The following ALAS1 variants were observed in gnomAD, a reference collection of about 807,000 sequenced individuals.
ALAS1 encodes the protein 5'-aminolevulinate synthase 1, also known as 5-aminolevulinate synthase, non-specific, mitochondrial.
ALAS1 carries 29 observed loss-of-function variants against 59.6 expected under a neutral mutation model. The observed-to-expected ratio is 0.49, with a 90% CI of 0.36 to 0.66. The LOEUF (loss-of-function observed/expected upper bound fraction) is 0.66, where lower values mean the gene tolerates loss of function less well. ALAS1 is among the 30% of genes least tolerant of loss of function. The pLI is 0.00. For missense variants in ALAS1, 690 were observed against 807.5 expected (o/e 0.85, Z 1.76); for synonymous variants, 299 against 296.6 (o/e 1.01, Z -0.08).
At chr3:52,211,620 T>G in intron 10 of ALAS1, 69 bp downstream of exon 10, 1 of 1,574,360 alleles carries the variant, frequency 6.4e-7, no homozygotes, top group Non-Finnish European at 8.7e-7. Context: ...GATGTTCTGC[T>G]TCATACCTTC....
chr3:52,199,368 C>A lies in ALAS1; in HGVS notation c.127C>A (p.Pro43Thr). 1.2e-6 allele frequency: 2 copies of A among 1,614,198 alleles called. No homozygotes were observed. Among genetic ancestry groups the A allele is most frequent in the Non-Finnish European group, 1.7e-6 (2 of 1,180,038 alleles). ...CAAGATGATGGAAGTTGGGGCCAAGCCAGCCCCTCGGGCATTGTCCACTGC... is the reference window on the plus strand; with the variant it reads ...CAAGATGATGGAAGTTGGGGCCAAGACAGCCCCTCGGGCATTGTCCACTGC... ...CPKMMEVGAK[P>T]APRALSTAAV... Residue 43 changes from proline (P) to threonine (T), a missense_variant, in exon 3 of 12, where the codon CCA (proline) becomes ACA (threonine). Transcript: ENST00000484952.
At chr3:52,212,136 T>A in intron 10 of ALAS1, 122 bp from the exon 11 acceptor site, 2 of 843,482 alleles carry the variant, frequency 2.4e-6, no homozygotes, top group South Asian at 3.3e-5. Flanking sequence ...TGCCCCAAGC[T>A]TGCATGTGTT....
Position 52,212,494 on chromosome 3 carries a change from A to G in ALAS1, c.1762+74A>G, listed in dbSNP as rs769923499. 1.9e-6 allele frequency: 3 copies of G among 1,556,506 alleles called. No individual in the cohort carries two copies. The Admixed American group carries it at 5.0e-5, about 26-fold the overall frequency. ...CTGTCTTTGCAGTGTTTATAATTGA[A>G]GCCCTTCAGAGGCATTCAGATTTGT... is the stretch of plus-strand genomic sequence containing the variant. On this transcript the variant is annotated intron_variant, in intron 11 of 11. Coordinates refer to ENST00000484952, the MANE Select transcript of ALAS1 (RefSeq NM_000688.6).
upstream of ALAS1, chr3:52,198,151 C>G (rs1237621220): frequency 2.5e-6 from 1 of 398,428 alleles, no homozygotes. Flanking sequence ...CGCCGGCGAT[C>G]GCGGCCTGAG....
intron 9 of ALAS1, 85 bp from the exon 10 acceptor site, chr3:52,211,198 G>C (rs1480670227): frequency 1.3e-6 from 2 of 1,485,850 alleles, no homozygotes; most frequent in Admixed American, 1.8e-5. Flanking sequence ...AAAAGTCAGT[G>C]CTTTGAGGCT....
rs867595113 is a variant in ALAS1, at chr3:52,208,202, C to T, written c.1285C>T (p.Arg429Trp). The T allele has an allele frequency of 8.1e-6, 13 of 1,614,038 alleles. No homozygotes were observed. Among genetic ancestry groups the T allele is most frequent in the Non-Finnish European group, 1.1e-5 (13 of 1,179,962 alleles). Residue 429 changes from arginine (R) to tryptophan (W), a missense_variant, in exon 9 of 12, where the codon CGG becomes TGG. Arg to Trp is a moderately radical substitution (Grantham distance 101). Coordinates refer to ENST00000484952, the MANE Select transcript of ALAS1 (RefSeq NM_000688.6). The stretch of plus-strand genomic sequence containing the variant: ...GGCTCGAGGCGGAGGGATTGGGGAT[C>T]GGGATGGAGTCATGCCAAAAATGGA... Reference protein sequence around the residue: ...YGARGGGIGDRDGVMPKMDII... With the variant: ...YGARGGGIGDWDGVMPKMDII...
In ALAS1 at chr3:52,211,338, C is replaced by T; in HGVS notation, c.1386C>T (p.Asp462=). Residue 462 remains aspartate (D), a synonymous_variant, in exon 10 of 12, where the codon GAC becomes GAT. Transcript: ENST00000484952. ...GYIASTSSLI[D]TVRSYAAGFI... ...TCGCCAGCACGAGTTCTCTGATTGA[C>T]ACCGTACGGTCCTATGCTGCTGGCT... is the stretch of plus-strand genomic sequence containing the variant. The T allele has an allele frequency of 6.2e-7, 1 of 1,614,216 alleles. No homozygotes were observed. The highest frequency in any genetic ancestry group is 1.1e-5 in the South Asian group (1 of 91,092).
intron 4 of ALAS1, 152 bp from the exon 5 acceptor site, chr3:52,203,711 A>G (rs1429428509): frequency 1.3e-6 from 1 of 758,066 alleles, no homozygotes; most frequent in African/African-American, 1.8e-5. Flanking sequence ...AATAGAAGAG[A>G]TGCTTTGTAC....
chr3:52,212,586 C>A, intron 11 of ALAS1, 166 bp downstream of exon 11: 3 of 828,376 alleles, frequency 3.6e-6, no homozygotes, highest in Non-Finnish European at 5.7e-6. Flanking sequence ...GGCTGGAGTA[C>A]AATGGCACAA....
chr3:52,208,821 C>CCT (rs1331393843), intron 9 of ALAS1, among the ~76,000 whole-genome samples: 1 of 152,080 alleles, frequency 6.6e-6, no homozygotes, highest in African/African-American at 2.4e-5. Context: ...ATGGAGAAAA[C>CCT]AATAGGACCT....
In ALAS1 at chr3:52,198,774, G is replaced by A. The variant is rs1429240795; in HGVS notation, c.-107G>A. On this transcript the variant is annotated 5_prime_UTR_variant, in exon 2 of 12. An upstream open reading frame in the 5' UTR gains an earlier in-frame stop. Coordinates refer to ENST00000484952, the MANE Select transcript of ALAS1 (RefSeq NM_000688.6). ...CCCTTCCTCGGGTTTAGGGGATGTG[G>A]GGACCAGGAGAAAGTCAGGATCCCT... The A allele has an allele frequency of 6.5e-7, 1 of 1,534,688 alleles. No individual in the cohort carries two copies. Among genetic ancestry groups the A allele is most frequent in the African/African-American group, 1.4e-5 (1 of 73,138 alleles).
intron 9 of ALAS1, among the ~76,000 whole-genome samples, chr3:52,209,296 C>A (rs909232333): frequency 2.6e-5 from 4 of 152,216 alleles, no homozygotes; most frequent in African/African-American, 9.6e-5. Flanking sequence ...CAAGCTCCAC[C>A]TCCCAGGTTC....
chr3:52,206,723 G>T lies in ALAS1; in HGVS notation c.1137G>T (p.Val379=). The change falls in exon 8 of 12, where the codon GTG becomes GTT. Residue 379 remains valine, a synonymous_variant. Coordinates refer to ENST00000484952, the MANE Select transcript of ALAS1 (RefSeq NM_000688.6). ...CTGACCCCTCAGTCCCCAAGATTGT[G>T]GCATTTGAAACTGTCCATTCAATGG... ...QRSDPSVPKI[V]AFETVHSMDG... is the part of the protein sequence containing the mutation. 1 of 1,614,134 alleles carries T rather than the reference G, an allele frequency of 6.2e-7. No individual in the cohort carries two copies. The highest frequency in any genetic ancestry group is 1.1e-5 in the South Asian group (1 of 91,080).
chr3:52,204,248 A>G (rs1284353283), intron 5 of ALAS1, among the ~76,000 whole-genome samples: 2 of 152,182 alleles, frequency 1.3e-5, no homozygotes, highest in Non-Finnish European at 2.9e-5. Flanking sequence ...GCCAGGCATG[A>G]TGGCTTGCAT....
intron 1 of ALAS1, 75 bp downstream of exon 1, chr3:52,198,330 C>T (rs1358996131): frequency 2.5e-6 from 1 of 406,494 alleles, no homozygotes; most frequent in Non-Finnish European, 4.3e-6. Context: ...GCACCGCTGC[C>T]CCGGGTGCTG....
In ALAS1 at chr3:52,205,156, C is replaced by T. The variant is rs72955292; in HGVS notation, c.800+241C>T. Among the ~76,000 whole-genome samples, 634 of 152,326 alleles carry T rather than the reference C, an allele frequency of 4.2e-3. 4 individuals carry two copies. The highest frequency in any genetic ancestry group is 0.015 in the African/African-American group (607 of 41,574). On this transcript the variant is annotated intron_variant, in intron 6 of 11. Coordinates refer to ENST00000484952, the MANE Select transcript of ALAS1 (RefSeq NM_000688.6). ...AGCTTATAGGCTCAATGACCACACA[C>T]GTCAGTCCACTTTCTATCACTCTGC...
At position 52,204,858 on chromosome 3, in the gene ALAS1, G is replaced by A; in HGVS notation, c.743G>A (p.Trp248Ter). Residue 248 changes from tryptophan (W) to a stop codon, truncating the protein, a stop_gained, in exon 6 of 12, where the codon TGG (tryptophan) becomes TAG (stop). Transcript: ENST00000484952. LOFTEE classifies it high-confidence loss of function. ...ATCACCAAAAAGCAAGTGTCAGTCT[G>A]GTGCAGTAATGACTACCTAGGAATG... is the stretch of plus-strand genomic sequence containing the variant. ...SLITKKQVSVWCSNDYLGMSR... is the reference protein window; with the variant it reads ...SLITKKQVSV 1 of 1,614,156 alleles carries A rather than the reference G, an allele frequency of 6.2e-7. No individual in the cohort carries two copies. Among genetic ancestry groups the A allele is most frequent in the Non-Finnish European group, 8.5e-7 (1 of 1,180,034 alleles).
rs772358252 is a variant in ALAS1, at chr3:52,204,000, A to T, written c.565A>T (p.Asn189Tyr). Residue 189 changes from asparagine (N) to tyrosine (Y), a missense_variant, in exon 5 of 12, where the codon AAC becomes TAC. Physicochemically the swap from Asn to Tyr is moderately radical, Grantham distance 143. Coordinates refer to ENST00000484952, the MANE Select transcript of ALAS1 (RefSeq NM_000688.6). ...AAGAGTGTCTCATCTTCTTCAAGAT[A>T]ACTTGCCAAAATGTAAGTCTCATTG... ...PERVSHLLQD[N>Y]LPKSVSTFQY... 5 of 1,604,844 alleles carry T rather than the reference A, an allele frequency of 3.1e-6. No individual in the cohort carries two copies. The Admixed American group carries it at 8.6e-5, about 28-fold the overall frequency.
chr3:52,213,656 C>T (rs1699457623), intron 11 of ALAS1, among the ~76,000 whole-genome samples: 1 of 152,166 alleles, frequency 6.6e-6, no homozygotes, highest in Non-Finnish European at 1.5e-5. Context: ...CATCCCCAGC[C>T]CCTGTCAACC....
Sources: gnomAD v4.1 joint callset for allele counts (sites outside exome capture counted in the v4.1 genomes callset) on GRCh38, gnomAD v4.1.1 for gene constraint, MANE v1.5 for transcripts, NCBI Gene and HGNC (gene_info 2026-07-23, HGNC 2026-07-21) for gene names.